MORC1: variants seen among roughly 807,000 people sequenced by gnomAD.
MORC1 encodes the protein MORC family CW-type zinc finger 1.
In MORC1, 59 loss-of-function variants were observed where a neutral mutation model predicts 134.9. The ratio of observed to expected loss-of-function variants is 0.44; its 90% CI spans 0.35 to 0.54. The LOEUF is 0.54. Ranked by LOEUF, MORC1 falls within the 20% of genes least tolerant of loss-of-function variation. MORC1 has a pLI of 0.00. For synonymous variants in MORC1, 395 were observed against 391.7 expected, an observed-to-expected ratio of 1.01 and a Z score of -0.10; for missense variants, 947 against 1,134.5, an observed-to-expected ratio of 0.83 and a Z score of 2.37.
At chr3:109,106,852 C>T (rs997819323) in intron 3 of MORC1, among the ~76,000 whole-genome samples, 1 of 152,190 alleles carries the variant, frequency 6.6e-6, no homozygotes, top group African/African-American at 2.4e-5. Context: ...TTCCATCAGT[C>T]GTGCATTTCA....
rs114921539 is a variant in MORC1 at position 109,065,212 on chromosome 3, G to A, written c.816-1981C>T. On this transcript the variant is annotated intron_variant, in intron 9 of 27. Transcript: ENST00000232603. ...CTAGAATAATCTTTTAAAAACATAG[G>A]TCAAGTAATGCCACTCCTCTGCTCA... is the stretch of plus-strand genomic sequence containing the variant. Among the ~76,000 whole-genome samples, 779 of 152,070 alleles carry A rather than the reference G, an allele frequency of 5.1e-3. 17 individuals are homozygous for A. Among genetic ancestry groups the A allele is most frequent in the African/African-American group, 0.018 (747 of 41,482 alleles).
chr3:109,069,931 A>C (rs41270427), intron 8 of MORC1, among the ~76,000 whole-genome samples, 174 bp from the exon 9 acceptor site: 3,215 of 152,300 alleles, frequency 0.021, 68 homozygotes, highest in Non-Finnish European at 0.03. Context: ...CACTCACTTC[A>C]TTAAGGAGGC....
chr3:109,056,161 C>T (rs1395022228), intron 13 of MORC1, among the ~76,000 whole-genome samples: 1 of 152,184 alleles, frequency 6.6e-6, no homozygotes, highest in Non-Finnish European at 1.5e-5. Context: ...ACTGGAAGCC[C>T]ATGGCAAGCA....
intron 21 of MORC1, among the ~76,000 whole-genome samples, chr3:108,992,692 T>C (rs1405368037): frequency 1.3e-5 from 2 of 152,206 alleles, no homozygotes; most frequent in African/African-American, 4.8e-5. Context: ...AACTAAATAA[T>C]TTTAACTTCT....
rs867584253 is a variant in MORC1 at position 109,118,032 on chromosome 3, G to A, written c.28C>T (p.Arg10Trp). ...ATGAAATCCAGACGCAGCTGGGCCC[G>A]CTGAAGCGCAGGGTACCTGTCGTCC... is the stretch of plus-strand genomic sequence containing the variant. MDDRYPALQ[R>W]AQLRLDFIHA... The change falls in exon 1 of 28, where the codon CGG (arginine) becomes TGG (tryptophan). Residue 10 changes from arginine to tryptophan, a missense_variant. Physicochemically the swap from Arg to Trp is moderately radical, Grantham distance 101. This residue lies in a region of MORC1 where 214 missense variants were observed against 281.3 expected (regional missense o/e 0.76). Coordinates refer to ENST00000232603, the MANE Select transcript of MORC1 (RefSeq NM_014429.4). 8 of 1,609,124 alleles carry A rather than the reference G, an allele frequency of 5.0e-6. No individual in the cohort carries two copies. Among genetic ancestry groups the A allele is most frequent in the South Asian group, 1.1e-5 (1 of 89,798 alleles).
intron 27 of MORC1, among the ~76,000 whole-genome samples, chr3:108,961,196 G>A (rs914068498): frequency 1.3e-5 from 2 of 152,052 alleles, no homozygotes; most frequent in Non-Finnish European, 2.9e-5. Context: ...CATTAACCTC[G>A]CCTCTGCATC....
chr3:109,043,748 G>A (rs900869405), intron 14 of MORC1, among the ~76,000 whole-genome samples: 130 of 152,114 alleles, frequency 8.5e-4, no homozygotes, highest in Admixed American at 1.3e-4. Flanking sequence ...CTTGTAGGTC[G>A]GCATCCTGCA....
At chr3:109,074,930 CA>C (rs1950388602) in intron 8 of MORC1, among the ~76,000 whole-genome samples, 1 of 152,094 alleles carries the variant, frequency 6.6e-6, no homozygotes, top group Non-Finnish European at 1.5e-5. Context: ...TAGATGGGAA[CA>C]GAGAATTTTG....
chr3:109,065,548 G>T (rs13073085), intron 9 of MORC1, among the ~76,000 whole-genome samples: 3,471 of 152,190 alleles, frequency 0.023, 65 homozygotes, highest in Middle Eastern at 0.11. Flanking sequence ...AAAAGTGATG[G>T]TCTGTCACTT....
chr3:109,015,652 T>C (rs1948800480), intron 17 of MORC1, among the ~76,000 whole-genome samples: 1 of 152,238 alleles, frequency 6.6e-6, no homozygotes, highest in South Asian at 2.1e-4. Context: ...ATTATCAATG[T>C]TCTTCATATG....
At chr3:108,963,292 G>A in intron 27 of MORC1, 122 bp downstream of exon 27, 1 of 740,660 alleles carries the variant, frequency 1.4e-6, no homozygotes, top group South Asian at 1.8e-5. Flanking sequence ...TATGCAGAGA[G>A]TAAGGGCTGA....
intron 23 of MORC1, among the ~76,000 whole-genome samples, chr3:108,984,005 C>T (rs1947828670): frequency 6.6e-6 from 1 of 152,116 alleles, no homozygotes; most frequent in African/African-American, 2.4e-5. Flanking sequence ...GTAGTAGGGG[C>T]TGAAAAGGCT....
intron 9 of MORC1, among the ~76,000 whole-genome samples, chr3:109,066,565 C>T (rs758196182): frequency 2.0e-5 from 3 of 152,264 alleles, no homozygotes; most frequent in Non-Finnish European, 2.9e-5. Context: ...GGGATACAGG[C>T]GTGAGCCACT....
chr3:109,003,620 T>C (rs1244830780), intron 20 of MORC1, among the ~76,000 whole-genome samples: 1 of 152,132 alleles, frequency 6.6e-6, no homozygotes, highest in Non-Finnish European at 1.5e-5. Context: ...AAAAGAGATA[T>C]GATTATAAAG....
At chr3:109,038,856 T>C (rs1949442834) in intron 14 of MORC1, among the ~76,000 whole-genome samples, 1 of 152,154 alleles carries the variant, frequency 6.6e-6, no homozygotes, top group Admixed American at 6.5e-5. Context: ...TAGTATAGTT[T>C]GAAGTCAGGT....
At chr3:109,043,181 CAAAATGTGG>C (rs1949597917) in intron 14 of MORC1, among the ~76,000 whole-genome samples, 1 of 24,014 alleles carries the variant, frequency 4.2e-5, no homozygotes. Flanking sequence ...CAAAATGTGG[CAAAATGTGG>C]GGGGGGGGGG....
intron 15 of MORC1, 72 bp from the exon 16 acceptor site, chr3:109,032,897 A>C (rs1949272305): frequency 1.0e-6 from 1 of 991,168 alleles, no homozygotes; most frequent in Admixed American, 2.1e-5. Flanking sequence ...GTCAGTTTGC[A>C]CATATCAAAA....
At chr3:109,074,574 T>C (rs919439074) in intron 8 of MORC1, among the ~76,000 whole-genome samples, 3 of 152,220 alleles carry the variant, frequency 2.0e-5, no homozygotes, top group Admixed American at 6.5e-5. Flanking sequence ...CTCACCCTAA[T>C]GAAGATCTCC....
At chr3:109,094,319 G>A (rs1950787719) in intron 7 of MORC1, among the ~76,000 whole-genome samples, 1 of 152,164 alleles carries the variant, frequency 6.6e-6, no homozygotes, top group Non-Finnish European at 1.5e-5. Flanking sequence ...CTTTTTGGTA[G>A]TTCTTAAACA....
Sources: allele counts gnomAD v4.1 joint callset (sites outside exome capture counted in the v4.1 genomes callset), GRCh38; gene constraint gnomAD v4.1.1; regional missense constraint gnomAD v4.1.1; transcripts MANE v1.5; gene names NCBI Gene and HGNC (gene_info 2026-07-23, HGNC 2026-07-21).